Variants in ALDH1A2 observed in about 807,000 individuals in gnomAD.
The protein encoded by ALDH1A2 is aldehyde dehydrogenase 1 family member A2, also known as retinal dehydrogenase 2.
Under a neutral mutation model 60.3 loss-of-function variants are expected in ALDH1A2, and 27 were observed. The ratio of observed to expected loss-of-function variants is 0.45; its 90% CI spans 0.33 to 0.62. The LOEUF is 0.62. ALDH1A2 is among the 20% of genes least tolerant of loss of function. ALDH1A2 has a pLI of 0.02. For missense variants in ALDH1A2, 581 were observed against 643.8 expected (o/e 0.90, Z 1.06); for synonymous variants, 289 against 232.4 (o/e 1.24, Z -2.21).
intron 3 of ALDH1A2, among the ~76,000 whole-genome samples, chr15:58,013,306 C>A (rs1406629104): frequency 6.6e-6 from 1 of 152,138 alleles, no homozygotes; most frequent in African/African-American, 2.4e-5. Flanking sequence ...CATGGTGACT[C>A]TCTTGTTGCT....
chr15:58,051,677 C>G (rs529334963), intron 1 of ALDH1A2, among the ~76,000 whole-genome samples: 1 of 152,262 alleles, frequency 6.6e-6, no homozygotes, highest in African/African-American at 2.4e-5. Flanking sequence ...TGATCACTCT[C>G]CCTGGCATGA....
intron 7 of ALDH1A2, among the ~76,000 whole-genome samples, chr15:57,983,040 C>G (rs35648920): frequency 0.023 from 3,492 of 152,210 alleles, 52 homozygotes; most frequent in Middle Eastern, 0.034. Context: ...TAAGGTTTTT[C>G]ACATCCTATT....
chr15:58,052,699 T>C (rs1226008307), intron 1 of ALDH1A2, among the ~76,000 whole-genome samples: 1 of 152,166 alleles, frequency 6.6e-6, no homozygotes, highest in Non-Finnish European at 1.5e-5. Context: ...TGCCTGCATA[T>C]CCAAGAAACT....
Position 57,955,113 on chromosome 15 carries a change from T to G in ALDH1A2, c.*84A>C. On this transcript the variant is annotated 3_prime_UTR_variant, in exon 13 of 13. Coordinates refer to ENST00000249750, the MANE Select transcript of ALDH1A2 (RefSeq NM_003888.4). ...TTTAAGTAAGGACCGTGGCTCAACT[T>G]TGTATTCCTGAGAGCTGGGCCCTAC... The G allele has an allele frequency of 7.1e-7, 1 of 1,403,964 alleles. No individual in the cohort carries two copies. Among genetic ancestry groups the G allele is most frequent in the South Asian group, 1.2e-5 (1 of 86,812 alleles). 87.0% of individuals were successfully genotyped at this position (1,403,964 alleles called of 1,614,324 possible). A position where few individuals can be genotyped will look rare whatever the true frequency, so the allele number is the denominator to read the frequency against.
chr15:58,032,108 A>AT (rs1896255982), intron 1 of ALDH1A2, among the ~76,000 whole-genome samples: 1 of 152,178 alleles, frequency 6.6e-6, no homozygotes, highest in Admixed American at 6.5e-5. Context: ...ACCAACCCAA[A>AT]TGTCCAACAA....
chr15:58,027,373 A>G (rs1896109135), intron 1 of ALDH1A2, among the ~76,000 whole-genome samples: 2 of 152,192 alleles, frequency 1.3e-5, no homozygotes, highest in African/African-American at 4.8e-5. Context: ...ATCCACACCA[A>G]AACCCCATTT....
intron 12 of ALDH1A2, 73 bp from the exon 13 acceptor site, chr15:57,955,342 G>A (rs1388861865): frequency 1.3e-6 from 2 of 1,510,008 alleles, no homozygotes; most frequent in African/African-American, 1.4e-5. Flanking sequence ...CGGGAGTCCT[G>A]GGGAGGTGCA....
At chr15:58,031,097 A>G (rs945081026) in intron 1 of ALDH1A2, among the ~76,000 whole-genome samples, 5 of 152,044 alleles carry the variant, frequency 3.3e-5, no homozygotes, top group African/African-American at 7.2e-5. Context: ...GAACAAAGCT[A>G]GAGGCATCAT....
At chr15:57,961,894 T>C in intron 10 of ALDH1A2, 118 bp downstream of exon 10, 2 of 1,383,270 alleles carry the variant, frequency 1.4e-6, no homozygotes. Context: ...TTCATTACTG[T>C]TGCAAAATGA....
chr15:57,966,881 C>T (rs1893911799), intron 7 of ALDH1A2, among the ~76,000 whole-genome samples: 2 of 152,180 alleles, frequency 1.3e-5, no homozygotes, highest in African/African-American at 4.8e-5. Context: ...GGAACCTAAC[C>T]TACAACAGGA....
chr15:57,987,930 A>T (rs1178661608), intron 7 of ALDH1A2, among the ~76,000 whole-genome samples: 1 of 151,824 alleles, frequency 6.6e-6, no homozygotes, highest in Non-Finnish European at 1.5e-5. Flanking sequence ...CATTTTTTAG[A>T]CAAACAAAAG....
At chr15:58,064,445 C>G (rs1287716402) in intron 1 of ALDH1A2, among the ~76,000 whole-genome samples, 5 of 152,182 alleles carry the variant, frequency 3.3e-5, no homozygotes, top group African/African-American at 1.2e-4. Flanking sequence ...ATATCTCATT[C>G]AACCACTAAG....
chr15:57,977,743 C>G (rs1262637695), intron 7 of ALDH1A2, among the ~76,000 whole-genome samples: 1 of 149,924 alleles, frequency 6.7e-6, no homozygotes, highest in Non-Finnish European at 1.5e-5. Context: ...TTTTCTAATT[C>G]TATGAAGAAA....
At chr15:58,039,696 ATT>A (rs1271641099) in intron 1 of ALDH1A2, among the ~76,000 whole-genome samples, 3 of 151,818 alleles carry the variant, frequency 2.0e-5, no homozygotes, top group Non-Finnish European at 4.4e-5. Context: ...GGAAAGAAAT[ATT>A]GTCTTCTAAA....
intron 1 of ALDH1A2, among the ~76,000 whole-genome samples, chr15:58,043,038 G>A (rs138085440): frequency 1.4e-3 from 214 of 152,002 alleles, no homozygotes; most frequent in Non-Finnish European, 2.7e-3. Flanking sequence ...AGGAGGAGGA[G>A]GAAAAGGAAG....
At chr15:58,053,018 CATTT>C (rs1566961783) in intron 1 of ALDH1A2, among the ~76,000 whole-genome samples, 1 of 152,086 alleles carries the variant, frequency 6.6e-6, no homozygotes, top group African/African-American at 2.4e-5. Context: ...AGGATGTATT[CATTT>C]ATTCATTCAT....
intron 4 of ALDH1A2, among the ~76,000 whole-genome samples, chr15:58,010,148 G>T (rs554367450): frequency 6.6e-6 from 1 of 152,216 alleles, no homozygotes; most frequent in African/African-American, 2.4e-5. Flanking sequence ...ATTCACGGCC[G>T]TTCGAGAAAT....
chr15:57,976,033 A>AAAAT (rs1489327217), intron 7 of ALDH1A2, among the ~76,000 whole-genome samples: 1 of 152,236 alleles, frequency 6.6e-6, no homozygotes, highest in Non-Finnish European at 1.5e-5. Flanking sequence ...ACATTAAACA[A>AAAAT]AAATATTACT....
At chr15:58,040,778 A>G (rs758833802) in intron 1 of ALDH1A2, among the ~76,000 whole-genome samples, 8 of 151,962 alleles carry the variant, frequency 5.3e-5, no homozygotes, top group Non-Finnish European at 1.2e-4. Context: ...GAATAATAAT[A>G]AATGTTAACA....
Sources: gnomAD v4.1 joint callset for allele counts (sites outside exome capture counted in the v4.1 genomes callset) on GRCh38, gnomAD v4.1.1 for gene constraint, MANE v1.5 for transcripts, NCBI Gene and HGNC (gene_info 2026-07-23, HGNC 2026-07-21) for gene names.